Variants in CHCHD7 observed in about 807,000 individuals in gnomAD.
CHCHD7 encodes coiled-coil-helix-coiled-coil-helix domain-containing protein 7.
A neutral mutation model predicts 10.5 loss-of-function variants in CHCHD7; 7 were observed. The observed-to-expected ratio is 0.67, with a 90% CI of 0.38 to 1.25. CHCHD7 has a LOEUF of 1.25. CHCHD7 is among the 50% of genes most tolerant of loss of function. The pLI, the probability that CHCHD7 is intolerant of heterozygous loss-of-function variation, is 0.02. For synonymous variants in CHCHD7, 40 were observed against 36.0 expected (o/e 1.11, Z -0.40); for missense variants, 100 against 104.5 (o/e 0.96, Z 0.19).
intron 1 of CHCHD7, chr8:56,213,949 G>T (rs529115416): frequency 6.6e-6 from 1 of 152,184 alleles, no homozygotes; most frequent in African/African-American, 2.4e-5. Context: ...TATTTTGTAC[G>T]CTAATTGGTG....
intron 1 of CHCHD7, chr8:56,212,813 T>TA (rs757081020): frequency 2.7e-5 from 38 of 1,429,414 alleles, no homozygotes; most frequent in Non-Finnish European, 3.3e-5. Context: ...AATCCAAACT[T>TA]AGAGTGCCTT....
At chr8:56,211,990 T>C (rs1249409415) in intron 1 of CHCHD7, 153 bp downstream of exon 1, 5 of 152,772 alleles carry the variant, frequency 3.3e-5, no homozygotes, top group African/African-American at 1.2e-4. Flanking sequence ...CCCGTTGCTC[T>C]TCCTCCCGCC....
chr8:56,215,684 CA>C (rs1813308744), intron 2 of CHCHD7: 1 of 152,210 alleles, frequency 6.6e-6, no homozygotes, highest in African/African-American at 2.4e-5. Context: ...GACCGAAGAC[CA>C]GTACCACTTT....
chr8:56,212,972 G>A, intron 1 of CHCHD7: 2 of 1,011,238 alleles, frequency 2.0e-6, no homozygotes, highest in South Asian at 2.7e-5. Context: ...TTCATGTAAG[G>A]CACGAAACTT....
At position 56,217,298 on chromosome 8, in the gene CHCHD7, TTTC is replaced by T. The variant is rs772217213; in HGVS notation, c.154-27_154-25del. 2.2e-6 allele frequency: 3 copies of T among 1,353,136 alleles called. No homozygotes were observed. In the South Asian group the frequency reaches 3.7e-5, roughly 17 times the overall value. 83.8% of individuals were successfully genotyped at this position (1,353,136 alleles called of 1,614,324 possible). A position where few individuals can be genotyped will look rare whatever the true frequency, so the allele number is the denominator to read the frequency against. ...GCATTTAATACATGACTGATTTTGGTTTCTTCTTTTTTATTTTAATGCCTGTAC... is the reference window on the plus strand; with the variant it reads ...GCATTTAATACATGACTGATTTTGGTTTCTTTTTTATTTTAATGCCTGTAC... On this transcript the variant is annotated intron_variant, in intron 3 of 3. Transcript: ENST00000355315.
intron 3 of CHCHD7, 71 bp downstream of exon 3, chr8:56,216,602 CAG>C: frequency 6.7e-7 from 1 of 1,488,624 alleles, no homozygotes; most frequent in South Asian, 1.1e-5. Flanking sequence ...TAAAATTAGT[CAG>C]TACCCACAAT....
At chr8:56,216,636 G>C in intron 3 of CHCHD7, 105 bp downstream of exon 3, 1 of 1,211,998 alleles carries the variant, frequency 8.3e-7, no homozygotes, top group Non-Finnish European at 1.2e-6. Flanking sequence ...GATGGCTGTA[G>C]GGAAACTTAA....
intron 1 of CHCHD7, chr8:56,213,085 C>A (rs1813115664): frequency 2.3e-6 from 1 of 426,030 alleles, no homozygotes; most frequent in South Asian, 6.7e-5. Flanking sequence ...AAAAAGAAAG[C>A]TGTGAATTTA....
At chr8:56,216,715 T>G (rs1286304551) in intron 3 of CHCHD7, 184 bp downstream of exon 3, 1 of 729,434 alleles carries the variant, frequency 1.4e-6, no homozygotes, top group Admixed American at 2.0e-5. Context: ...GTTAGCTGCC[T>G]CGTCGTCCTC....
rs1813454424 is a variant in CHCHD7, at chr8:56,217,899, G to GGAAA, written c.*466_*469dup. The GGAAA allele has an allele frequency of 4.3e-6, 1 of 232,324 alleles. No individual in the cohort carries two copies. The highest frequency in any genetic ancestry group is 2.2e-5 in the African/African-American group (1 of 45,254). 14.4% of individuals were successfully genotyped at this position (232,324 alleles called of 1,614,324 possible). On this transcript the variant is annotated 3_prime_UTR_variant, in exon 4 of 4. Transcript: ENST00000355315. ...GGTGGAGCAGTGGTGGGAGAAGACT[G>GGAAA]GAAAGGTAAGTTGAAGGTAAGGAAT... is the stretch of plus-strand genomic sequence containing the variant.
At chr8:56,212,941 T>TA (rs766766128) in intron 1 of CHCHD7, 3 of 1,358,622 alleles carry the variant, frequency 2.2e-6, no homozygotes, top group Non-Finnish European at 3.2e-6. Context: ...TGACTGACAA[T>TA]AAAATATAGA....
chr8:56,214,333 A>G (rs577588150), intron 1 of CHCHD7: 79 of 249,084 alleles, frequency 3.2e-4, no homozygotes, highest in Middle Eastern at 2.4e-3. Context: ...AGCCTCCCAA[A>G]GTGCTGGGAT....
intron 1 of CHCHD7, 164 bp from the exon 2 acceptor site, chr8:56,214,432 AAC>A: frequency 1.9e-6 from 1 of 515,216 alleles, no homozygotes; most frequent in Non-Finnish European, 3.5e-6. Flanking sequence ...ACAAAGGAAA[AAC>A]ACGTTCAAGT....
chr8:56,214,772 C>A, intron 2 of CHCHD7, 105 bp downstream of exon 2: 1 of 783,460 alleles, frequency 1.3e-6, no homozygotes, highest in Non-Finnish European at 2.1e-6. Context: ...AGTTATTTCT[C>A]TAGAAAAAAT....
intron 3 of CHCHD7, 98 bp from the exon 4 acceptor site, chr8:56,217,233 C>T: frequency 2.2e-4 from 141 of 648,642 alleles, no homozygotes; most frequent in South Asian, 6.2e-4. Context: ...TTAGAATTTC[C>T]TTTTTGAGGA....
At chr8:56,214,350 C>G (rs907352995) in intron 1 of CHCHD7, 8 of 298,584 alleles carry the variant, frequency 2.7e-5, no homozygotes, top group East Asian at 5.7e-5. Context: ...GGATTACAGG[C>G]GTGAGACACC....
chr8:56,212,726 C>T (rs2129239252), intron 1 of CHCHD7: 2 of 667,352 alleles, frequency 3.0e-6, no homozygotes, highest in South Asian at 1.9e-5. Flanking sequence ...CAGCCCCGCT[C>T]CTCACTGTAA....
chr8:56,215,477 C>T (rs1813293213), intron 2 of CHCHD7: 1 of 152,188 alleles, frequency 6.6e-6, no homozygotes, highest in East Asian at 1.9e-4. Context: ...ATTAGATTCT[C>T]CTAAGGAGCT....
chr8:56,217,164 G>A (rs1268866198), intron 3 of CHCHD7, among the ~76,000 whole-genome samples, 167 bp from the exon 4 acceptor site: 1 of 151,550 alleles, frequency 6.6e-6, no homozygotes, highest in Admixed American at 6.6e-5. Flanking sequence ...ATTTAAATAC[G>A]TTTATCTGGA....
Sources: allele counts gnomAD v4.1 joint callset (sites outside exome capture counted in the v4.1 genomes callset), GRCh38; gene constraint gnomAD v4.1.1; transcripts MANE v1.5; gene names NCBI Gene and HGNC (gene_info 2026-07-23, HGNC 2026-07-21).